The following IL1RN variants were observed in gnomAD, a reference collection of about 807,000 sequenced individuals.
IL1RN encodes interleukin 1 receptor antagonist.
A neutral mutation model predicts 13.7 loss-of-function variants in IL1RN; 10 were observed. The ratio of observed to expected loss-of-function variants is 0.73; its 90% CI spans 0.45 to 1.24. The LOEUF is 1.24. IL1RN is among the 50% of genes most tolerant of loss of function. The pLI is 0.00. For synonymous variants in IL1RN, 102 were observed against 82.7 expected (o/e 1.23, Z -1.27); for missense variants, 213 against 222.1 (o/e 0.96, Z 0.26).
chr2:113,108,411 T>TC (rs956060191), upstream of IL1RN, among the ~76,000 whole-genome samples: 50 of 147,804 alleles, frequency 3.4e-4, no homozygotes, highest in African/African-American at 1.2e-3. Context: ...CCGTCCCCCC[T>TC]CCCCCACCCC....
upstream of IL1RN, among the ~76,000 whole-genome samples, chr2:113,116,438 A>G (rs1388538550): frequency 6.6e-6 from 1 of 150,874 alleles, no homozygotes; most frequent in Non-Finnish European, 1.5e-5. Context: ...AAGGCGGAAG[A>G]GAACAGGAAG....
At chr2:113,117,961 C>G (rs1479479601) in exon 1 of IL1RN, 6 of 1,029,350 alleles carry the variant, frequency 5.8e-6, no homozygotes, top group Non-Finnish European at 9.3e-6. Flanking sequence ...GGCAGCAGCT[C>G]AGTTGAGTTA....
At chr2:113,123,993 T>C (rs1573295179), upstream of IL1RN, among the ~76,000 whole-genome samples, 1 of 152,228 alleles carries the variant, frequency 6.6e-6, no homozygotes, top group East Asian at 1.9e-4. Context: ...TGTGTCCCCT[T>C]ACAGCAGTGC....
At chr2:113,113,063 C>T (rs764930570), upstream of IL1RN, 3 of 152,138 alleles carry the variant, frequency 2.0e-5, no homozygotes, top group African/African-American at 4.8e-5. Flanking sequence ...CAGGAAGATT[C>T]GTATCGGTCT....
chr2:113,107,348 C>T (rs183755128), upstream of IL1RN: 25 of 152,122 alleles, frequency 1.6e-4, no homozygotes, highest in Non-Finnish European at 8.8e-5. Context: ...TCAACAACAA[C>T]GAAAGCAAGG....
chr2:113,101,093 GAGTCTCTA>G, the IL1RN span, among the ~76,000 whole-genome samples: 58 of 152,312 alleles, frequency 3.8e-4, no homozygotes, highest in African/African-American at 1.4e-3. Context: ...AAAGGACTTT[GAGTCTCTA>G]AGAGTAGTGA....
chr2:113,104,601 G>T (rs766051278), upstream of IL1RN, among the ~76,000 whole-genome samples: 9 of 152,152 alleles, frequency 5.9e-5, no homozygotes, highest in Non-Finnish European at 1.2e-4. Flanking sequence ...GGGGCGTTTT[G>T]GGATTTCAAC....
chr2:113,124,091 T>C (rs1334347026), upstream of IL1RN, among the ~76,000 whole-genome samples: 2 of 152,156 alleles, frequency 1.3e-5, no homozygotes, highest in East Asian at 3.9e-4. Context: ...ACACTCCTGT[T>C]GTCTCTAGTG....
chr2:113,114,644 TGTGA>T (rs1195479151), upstream of IL1RN, among the ~76,000 whole-genome samples: 8 of 152,090 alleles, frequency 5.3e-5, no homozygotes, highest in African/African-American at 1.9e-4. Flanking sequence ...TGAGTCCGTG[TGTGA>T]GTGTGTGTGT....
chr2:113,130,968 A>T, intron 2 of IL1RN, 77 bp from the exon 3 acceptor site: 1 of 940,964 alleles, frequency 1.1e-6, no homozygotes. Flanking sequence ...CAGGGGAGAT[A>T]GAAAAATACC....
At chr2:113,129,364 C>T (rs1479638241) in intron 1 of IL1RN, among the ~76,000 whole-genome samples, 1 of 152,182 alleles carries the variant, frequency 6.6e-6, no homozygotes, top group Non-Finnish European at 1.5e-5. Flanking sequence ...AATGTGGGCT[C>T]ACTGCTCACC....
At chr2:113,121,721 T>G (rs1686788500) in intron 2 of IL1RN, 1 of 572,400 alleles carries the variant, frequency 1.7e-6, no homozygotes. Context: ...AGAGCAGAGG[T>G]GGTCACCCTG....
intron 1 of IL1RN, among the ~76,000 whole-genome samples, chr2:113,128,459 G>C (rs948955167): frequency 1.3e-5 from 2 of 152,052 alleles, no homozygotes; most frequent in Non-Finnish European, 2.9e-5. Flanking sequence ...TGTCTGGGCC[G>C]AGGCTGCAAG....
intron 1 of IL1RN, 63 bp downstream of exon 1, chr2:113,127,803 AGCTGCCAGGGGCT>A: frequency 1.9e-6 from 3 of 1,549,466 alleles, no homozygotes; most frequent in Non-Finnish European, 2.7e-6. Flanking sequence ...AACATATCAC[AGCTGCCAGGGGCT>A]GCCAGGCCCC....
chr2:113,118,025 T>A (rs1293345956), exon 1 of IL1RN: 1 of 1,601,754 alleles, frequency 6.2e-7, no homozygotes, highest in Non-Finnish European at 8.6e-7. Flanking sequence ...CCCCATGGCT[T>A]TAGGTAAGCT....
At chr2:113,124,010 C>T (rs1472909981), upstream of IL1RN, among the ~76,000 whole-genome samples, 1 of 152,126 alleles carries the variant, frequency 6.6e-6, no homozygotes, top group Non-Finnish European at 1.5e-5. Context: ...GTGCAGTGTC[C>T]CTCCTAAGAC....
upstream of IL1RN, among the ~76,000 whole-genome samples, chr2:113,116,523 G>T (rs765551229): frequency 6.6e-6 from 1 of 152,094 alleles, no homozygotes; most frequent in African/African-American, 2.4e-5. Context: ...TCCTGTGGCC[G>T]GCTCCCTGCC....
upstream of IL1RN, among the ~76,000 whole-genome samples, chr2:113,108,793 GA>G (rs1389051547): frequency 6.6e-6 from 1 of 152,104 alleles, no homozygotes; most frequent in African/African-American, 2.4e-5. Context: ...AAAATAAGTC[GA>G]AATGTGGGGT....
At chr2:113,105,441 G>C (rs1006751620), upstream of IL1RN, among the ~76,000 whole-genome samples, 2 of 152,124 alleles carry the variant, frequency 1.3e-5, no homozygotes, top group Non-Finnish European at 2.9e-5. Flanking sequence ...TAAATTTTAG[G>C]TGAGAATTGA....
Sources: allele counts gnomAD v4.1 joint callset (sites outside exome capture counted in the v4.1 genomes callset), GRCh38; gene constraint gnomAD v4.1.1; transcripts MANE v1.5; gene names NCBI Gene and HGNC (gene_info 2026-07-23, HGNC 2026-07-21).